The following UBE2F variants were observed in gnomAD, a reference collection of about 807,000 sequenced individuals.
UBE2F encodes the protein ubiquitin conjugating enzyme E2 F (putative), also known as NEDD8-conjugating enzyme UBE2F.
UBE2F carries 5 observed loss-of-function variants against 29.6 expected under a neutral mutation model. The ratio of observed to expected loss-of-function variants is 0.17; its 90% CI spans 0.09 to 0.36. The LOEUF is 0.36. Ranked by LOEUF, UBE2F falls within the 10% of genes least tolerant of loss-of-function variation. The pLI is 1.00. For missense variants in UBE2F, 141 were observed against 228.5 expected, an observed-to-expected ratio of 0.62 and a Z score of 2.47; for synonymous variants, 66 against 81.8, an observed-to-expected ratio of 0.81 and a Z score of 1.04.
chr2:238,010,543 G>T (rs939090489), intron 4 of UBE2F, among the ~76,000 whole-genome samples: 4 of 152,172 alleles, frequency 2.6e-5, no homozygotes, highest in African/African-American at 9.7e-5. Flanking sequence ...TTGAACGATT[G>T]TTGCAGTTGT....
At chr2:238,025,228 A>T in intron 5 of UBE2F, 114 bp from the exon 6 acceptor site, 1 of 875,506 alleles carries the variant, frequency 1.1e-6, no homozygotes. Flanking sequence ...CAAACTGCAC[A>T]CTGAGTCAGC....
chr2:238,022,999 A>G (rs1327132372), intron 5 of UBE2F, among the ~76,000 whole-genome samples: 1 of 152,212 alleles, frequency 6.6e-6, no homozygotes, highest in African/African-American at 2.4e-5. Context: ...TGTGAAGGGG[A>G]CAGGAGGAAG....
chr2:237,993,009 A>G (rs375839721), intron 3 of UBE2F, among the ~76,000 whole-genome samples: 9 of 150,498 alleles, frequency 6.0e-5, no homozygotes, highest in African/African-American at 2.0e-4. Context: ...TTTTTTTCAG[A>G]TGGAGTCTCG....
chr2:237,992,703 A>G (rs2063614528), intron 3 of UBE2F, among the ~76,000 whole-genome samples: 2 of 152,182 alleles, frequency 1.3e-5, no homozygotes, highest in African/African-American at 4.8e-5. Context: ...TTCTGTTGAT[A>G]ACCTGTATGA....
At chr2:238,024,800 T>C (rs993059285) in intron 5 of UBE2F, among the ~76,000 whole-genome samples, 19 of 152,238 alleles carry the variant, frequency 1.2e-4, no homozygotes, top group African/African-American at 4.3e-4. Flanking sequence ...CTCCTTTAAA[T>C]GTAAAGTGGA....
At position 237,967,557 on chromosome 2, in the gene UBE2F, G is replaced by T. The variant is rs951299223; in HGVS notation, c.-17+425G>T. Among the ~76,000 whole-genome samples, 13 of 152,206 alleles carry T rather than the reference G, an allele frequency of 8.5e-5. No individual in the cohort carries two copies. The highest frequency in any genetic ancestry group is 1.5e-4 in the Non-Finnish European group (10 of 67,960). ...GCGGGGCGTCCAGCGCCTGGCCAAG[G>T]TCACCGGCCCGACGTGGCCGCAGAA... On this transcript the variant is annotated intron_variant, in intron 1 of 9. Coordinates refer to ENST00000272930, the MANE Select transcript of UBE2F (RefSeq NM_080678.3). This position sits in a 1 kb window ranked among gnomAD's most constrained non-coding sequence, Gnocchi z 6.3.
intron 4 of UBE2F, among the ~76,000 whole-genome samples, chr2:238,001,313 G>A (rs967950060): frequency 1.3e-5 from 2 of 152,162 alleles, no homozygotes; most frequent in East Asian, 1.9e-4. Context: ...GATTACAGGC[G>A]TGAGCCACCA....
At chr2:238,003,844 A>G (rs1039615336) in intron 4 of UBE2F, among the ~76,000 whole-genome samples, 2 of 152,178 alleles carry the variant, frequency 1.3e-5, no homozygotes, top group Admixed American at 1.3e-4. Flanking sequence ...ACGCACTCAC[A>G]TAACCACCAC....
intron 3 of UBE2F, among the ~76,000 whole-genome samples, chr2:237,990,779 A>C (rs1438160815): frequency 6.7e-6 from 1 of 149,538 alleles, no homozygotes; most frequent in Non-Finnish European, 1.5e-5. Context: ...AATAATAATA[A>C]AATTATTATT....
At chr2:238,021,383 C>T (rs557963405) in intron 5 of UBE2F, among the ~76,000 whole-genome samples, 3 of 152,278 alleles carry the variant, frequency 2.0e-5, no homozygotes, top group South Asian at 2.1e-4. Context: ...TGAGACAACA[C>T]GGCCATGCAA....
At chr2:237,985,433 A>G (rs1267413383) in intron 2 of UBE2F, among the ~76,000 whole-genome samples, 1 of 151,888 alleles carries the variant, frequency 6.6e-6, no homozygotes, top group Non-Finnish European at 1.5e-5. Flanking sequence ...TTTAGATTCT[A>G]CATATATGTA....
In UBE2F at chr2:237,967,020, G is replaced by A; in HGVS notation, c.-129G>A. 7.9e-7 allele frequency: 1 copy of A among 1,265,462 alleles called. No individual in the cohort carries two copies. The highest frequency in any genetic ancestry group is 1.0e-6 in the Non-Finnish European group (1 of 997,980). 78.4% of individuals were successfully genotyped at this position (1,265,462 alleles called of 1,614,324 possible). ...GCCGAGTCCCCGCCCCGCCACTTCCGGTCCCGCCGCCGGGAGCCGGTGCGG... is the reference window on the plus strand; with the variant it reads ...GCCGAGTCCCCGCCCCGCCACTTCCAGTCCCGCCGCCGGGAGCCGGTGCGG... On this transcript the variant is annotated 5_prime_UTR_variant, in exon 1 of 10. Transcript: ENST00000272930. This position sits in a 1 kb window ranked among gnomAD's most constrained non-coding sequence, Gnocchi z 6.3.
chr2:237,990,790 A>T (rs1036979955), intron 3 of UBE2F, among the ~76,000 whole-genome samples: 4 of 150,102 alleles, frequency 2.7e-5, no homozygotes, highest in African/African-American at 7.4e-5. Flanking sequence ...AATTATTATT[A>T]TTTTTTTGTA....
At position 237,967,459 on chromosome 2, in the gene UBE2F, G is replaced by A. The variant is rs1559194947; in HGVS notation, c.-17+327G>A. On this transcript the variant is annotated intron_variant, in intron 1 of 9. Transcript: ENST00000272930. The surrounding 1 kb of genome is among the most constrained non-coding windows in gnomAD (Gnocchi z 6.3). ...GCACCTGGTGTGAACCAGGCCCTGG[G>A]CCGAGCGTGGCACAGACCTGGCCGC... 6.6e-6 allele frequency among the ~76,000 whole-genome samples: 1 copy of A among 152,030 alleles called. No individual in the cohort carries two copies. The highest frequency in any genetic ancestry group is 1.5e-5 in the Non-Finnish European group (1 of 67,978).
At chr2:238,035,837 C>G in intron 8 of UBE2F, 41 bp from the exon 9 acceptor site, 1 of 1,526,082 alleles carries the variant, frequency 6.6e-7, no homozygotes, top group Non-Finnish European at 9.0e-7. Flanking sequence ...AGCAGAAAAG[C>G]AGTTCTCCCA....
chr2:238,038,561 T>C (rs2064771707), intron 9 of UBE2F, among the ~76,000 whole-genome samples: 1 of 152,194 alleles, frequency 6.6e-6, no homozygotes, highest in South Asian at 2.1e-4. Context: ...GTGATGGCAA[T>C]AGGGGTACTC....
At chr2:238,007,145 A>G (rs1363992297) in intron 4 of UBE2F, among the ~76,000 whole-genome samples, 7 of 152,036 alleles carry the variant, frequency 4.6e-5, no homozygotes, top group Non-Finnish European at 1.0e-4. Context: ...TTTTCGAGAC[A>G]GAGTCTTGCT....
intron 9 of UBE2F, among the ~76,000 whole-genome samples, chr2:238,037,484 A>G (rs1374921320): frequency 6.6e-6 from 1 of 152,392 alleles, no homozygotes; most frequent in South Asian, 2.1e-4. Context: ...GCGTCGAGGT[A>G]GCTCAGCTTA....
chr2:237,967,177 G>T lies in UBE2F; in HGVS notation c.-17+45G>T. On this transcript the variant is annotated intron_variant, in intron 1 of 9. Coordinates refer to ENST00000272930, the MANE Select transcript of UBE2F (RefSeq NM_080678.3). The surrounding 1 kb of genome is among the most constrained non-coding windows in gnomAD (Gnocchi z 6.3). ...CTCTGCGGCGGGGCGAGGTGCGGCC[G>T]CCGGTGCACGGGCTGGCCTGCGGGC... 1 of 1,138,086 alleles carries T rather than the reference G, an allele frequency of 8.8e-7. No homozygotes were observed. The highest frequency in any genetic ancestry group is 4.0e-5 in the South Asian group (1 of 25,302). The allele number at this position is 1,138,086 out of a possible 1,614,324, so 70.5% of individuals were successfully genotyped here.
Sources: allele counts gnomAD v4.1 joint callset (sites outside exome capture counted in the v4.1 genomes callset), GRCh38; gene constraint gnomAD v4.1.1; non-coding constraint Gnocchi (gnomAD v3.1); transcripts MANE v1.5; gene names NCBI Gene and HGNC (gene_info 2026-07-23, HGNC 2026-07-21).